PALLD: variants seen among roughly 807,000 people sequenced by gnomAD.
PALLD encodes palladin.
A neutral mutation model predicts 123.5 loss-of-function variants in PALLD; 61 were observed. That is an observed-to-expected ratio of 0.49 (90% CI 0.40 to 0.61). PALLD has a LOEUF of 0.61. PALLD is among the 20% of genes least tolerant of loss of function. PALLD has a pLI of 0.00. For synonymous variants in PALLD, 465 were observed against 496.4 expected (o/e 0.94, Z 0.84); for missense variants, 1,273 against 1,377.0 (o/e 0.92, Z 1.20).
intron 2 of PALLD, among the ~76,000 whole-genome samples, chr4:168,535,577 T>C (rs1175007626): frequency 6.6e-6 from 1 of 152,210 alleles, no homozygotes; most frequent in African/African-American, 2.4e-5. Flanking sequence ...CGTATACCAC[T>C]TTCCAAGAAG....
intron 2 of PALLD, among the ~76,000 whole-genome samples, chr4:168,619,489 C>T (rs1197188506): frequency 6.6e-6 from 1 of 152,240 alleles, no homozygotes; most frequent in East Asian, 1.9e-4. Context: ...AAGATGATGT[C>T]ACTGCTGTTG....
chr4:168,878,438 C>G, intron 10 of PALLD: 3 of 1,410,550 alleles, frequency 2.1e-6, no homozygotes, highest in Non-Finnish European at 2.8e-6. Context: ...CCCTCCGCCT[C>G]GGGTCGCCCT....
chr4:168,570,939 G>C (rs1768913893), intron 2 of PALLD, among the ~76,000 whole-genome samples: 1 of 152,080 alleles, frequency 6.6e-6, no homozygotes, highest in Non-Finnish European at 1.5e-5. Context: ...ATAACAAAGA[G>C]GTGAATATAA....
In PALLD at chr4:168,499,246, A is replaced by AGAAGGGAGGGAG. The variant is rs1554029962; in HGVS notation, c.-83+2067_-83+2078dup. ...AAGGGAGACGGGGAAGAAGGAAGGG[A>AGAAGGGAGGGAG]GAAGGGAGGGAGGAAGGGAGGGAGG... On this transcript the variant is annotated intron_variant, in intron 1 of 21. Transcript: ENST00000505667. 2.6e-3 allele frequency among the ~76,000 whole-genome samples: 213 copies of AGAAGGGAGGGAG among 82,040 alleles called. 13 individuals carry two copies. Among genetic ancestry groups the AGAAGGGAGGGAG allele is most frequent in the African/African-American group, 0.01 (196 of 19,268 alleles). 53.8% of individuals were successfully genotyped at this position (82,040 alleles called of 152,430 possible).
intron 8 of PALLD, among the ~76,000 whole-genome samples, chr4:168,696,738 A>G (rs188244895): frequency 6.6e-6 from 1 of 152,294 alleles, no homozygotes; most frequent in Admixed American, 6.5e-5. Context: ...CTTGAAATGA[A>G]AAGTTCATAG....
intron 10 of PALLD, among the ~76,000 whole-genome samples, chr4:168,852,379 G>A (rs148481442): frequency 6.6e-6 from 1 of 152,244 alleles, no homozygotes; most frequent in Non-Finnish European, 1.5e-5. Context: ...AGCTCAATCA[G>A]TATTTGTTAA....
rs186035040 is a variant in PALLD, at chr4:168,625,606, C to G, written c.909-42584C>G. On this transcript the variant is annotated intron_variant, in intron 2 of 21. Transcript: ENST00000505667. ...ACCTGATTTTTAAATGGGCAAAGGA[C>G]TTGAACAGACATTCCTCCAAAGATG... Among the ~76,000 whole-genome samples the G allele has an allele frequency of 5.8e-4, 83 of 143,548 alleles. 2 individuals carry two copies. The East Asian group carries it at 0.013, about 23-fold the overall frequency. The allele number at this position is 143,548 out of a possible 152,430, so 94.2% of individuals were successfully genotyped here.
At chr4:168,691,756 G>A (rs929146574) in intron 8 of PALLD, among the ~76,000 whole-genome samples, 3 of 152,218 alleles carry the variant, frequency 2.0e-5, no homozygotes, top group Admixed American at 2.0e-4. Flanking sequence ...TCTCATTTGT[G>A]TGCCCTGAGC....
intron 2 of PALLD, among the ~76,000 whole-genome samples, chr4:168,557,323 C>T (rs781776964): frequency 1.3e-5 from 2 of 152,138 alleles, no homozygotes; most frequent in African/African-American, 2.4e-5. Context: ...GGATTACAGG[C>T]GTGAGCCACC....
At chr4:168,811,021 TGACGGA>T (rs1436501728) in intron 10 of PALLD, among the ~76,000 whole-genome samples, 4 of 152,108 alleles carry the variant, frequency 2.6e-5, no homozygotes, top group Admixed American at 2.6e-4. Flanking sequence ...ACAGGTAAGC[TGACGGA>T]GATCTCCTAG....
chr4:168,891,424 G>A (rs1754134513), intron 11 of PALLD, among the ~76,000 whole-genome samples: 1 of 152,174 alleles, frequency 6.6e-6, no homozygotes, highest in Non-Finnish European at 1.5e-5. Flanking sequence ...GCCTCCCAAA[G>A]TGCTGGAATT....
intron 10 of PALLD, among the ~76,000 whole-genome samples, chr4:168,801,758 G>A (rs552703109): frequency 2.6e-5 from 4 of 152,286 alleles, no homozygotes; most frequent in South Asian, 2.1e-4. Context: ...ACACCCCGTC[G>A]TGCTTGCAGA....
chr4:168,549,731 ACCAG>A (rs1318320287), intron 2 of PALLD, among the ~76,000 whole-genome samples: 1 of 152,116 alleles, frequency 6.6e-6, no homozygotes, highest in African/African-American at 2.4e-5. Context: ...AGAAAAGTTA[ACCAG>A]CCATTAGACA....
chr4:168,913,003 A>G (rs1344423981), intron 15 of PALLD, among the ~76,000 whole-genome samples: 2 of 152,192 alleles, frequency 1.3e-5, no homozygotes, highest in Admixed American at 6.6e-5. Context: ...TAAATCTCAA[A>G]TATGTTCATT....
intron 10 of PALLD, among the ~76,000 whole-genome samples, chr4:168,762,091 A>G (rs1018371761): frequency 3.2e-4 from 19 of 58,562 alleles, no homozygotes; most frequent in Non-Finnish European, 5.1e-4. Flanking sequence ...GGACTCATAC[A>G]TACAATTCTG....
intron 2 of PALLD, among the ~76,000 whole-genome samples, chr4:168,544,934 C>T (rs552069064): frequency 3.9e-5 from 6 of 152,152 alleles, no homozygotes; most frequent in African/African-American, 7.2e-5. Flanking sequence ...ACACCATACA[C>T]GTGCCTATAT....
chr4:168,921,849 A>G, intron 18 of PALLD, 108 bp downstream of exon 18: 1 of 893,382 alleles, frequency 1.1e-6, no homozygotes, highest in Non-Finnish European at 1.8e-6. Context: ...TATTGAAAAA[A>G]TAGATTGTAT....
At chr4:168,563,474 G>A (rs1414191769) in intron 2 of PALLD, among the ~76,000 whole-genome samples, 1 of 152,122 alleles carries the variant, frequency 6.6e-6, no homozygotes, top group Non-Finnish European at 1.5e-5. Context: ...TCAAATCTCA[G>A]TAAAACTGAG....
rs187397227 is a variant in PALLD at position 168,750,139 on chromosome 4, G to A, written c.1964+38216G>A. On this transcript the variant is annotated intron_variant, in intron 10 of 21. Coordinates refer to ENST00000505667, the MANE Select transcript of PALLD (RefSeq NM_001166108.2). The stretch of plus-strand genomic sequence containing the variant: ...ATTTCTGTATTTTTGTAGAGACGGC[G>A]TTTCACCATGTTGGCCAGGCTGGTC... Among the ~76,000 whole-genome samples the A allele has an allele frequency of 6.7e-3, 961 of 143,578 alleles. 11 individuals carry two copies. Among genetic ancestry groups the A allele is most frequent in the African/African-American group, 0.024 (897 of 36,962 alleles). The allele number at this position is 143,578 out of a possible 152,430, so 94.2% of individuals were successfully genotyped here. A position where few individuals can be genotyped will look rare whatever the true frequency, so the allele number is the denominator to read the frequency against.
Sources: allele counts gnomAD v4.1 joint callset (sites outside exome capture counted in the v4.1 genomes callset), GRCh38; gene constraint gnomAD v4.1.1; transcripts MANE v1.5; gene names NCBI Gene and HGNC (gene_info 2026-07-23, HGNC 2026-07-21).